Variants in GPR158 observed in about 807,000 individuals in gnomAD.
The protein encoded by GPR158 is G protein-coupled receptor 158.
A neutral mutation model predicts 78.2 loss-of-function variants in GPR158; 30 were observed. The observed-to-expected ratio is 0.38, with a 90% CI of 0.29 to 0.52. The LOEUF (loss-of-function observed/expected upper bound fraction) is 0.52, where lower values mean the gene tolerates loss of function less well. GPR158 is among the 20% of genes least tolerant of loss of function. The pLI is 0.83. For synonymous variants in GPR158, 581 were observed against 591.1 expected (o/e 0.98, Z 0.25); for missense variants, 1,463 against 1,523.5 (o/e 0.96, Z 0.66).
intron 2 of GPR158, among the ~76,000 whole-genome samples, chr10:25,293,969 A>G (rs1356744435): frequency 6.7e-6 from 1 of 150,374 alleles, no homozygotes; most frequent in Non-Finnish European, 1.5e-5. Context: ...CTGGTCTTGA[A>G]CTCCTGACCT....
intron 5 of GPR158, among the ~76,000 whole-genome samples, chr10:25,484,307 A>G (rs1442070919): frequency 2.6e-5 from 4 of 152,188 alleles, no homozygotes; most frequent in South Asian, 2.1e-4. Context: ...TCTTTGCTCA[A>G]ATGTCACTTC....
chr10:25,451,191 G>A (rs1310988537), intron 4 of GPR158, among the ~76,000 whole-genome samples: 1 of 152,118 alleles, frequency 6.6e-6, no homozygotes, highest in Non-Finnish European at 1.5e-5. Flanking sequence ...CCCCCTAAAT[G>A]TGAAGTTGCT....
At chr10:25,357,849 T>C (rs1025111900) in intron 2 of GPR158, among the ~76,000 whole-genome samples, 7 of 152,044 alleles carry the variant, frequency 4.6e-5, no homozygotes, top group Non-Finnish European at 1.0e-4. Context: ...ATAGTCCAGA[T>C]ACCAGAATGG....
At chr10:25,582,903 A>G (rs1837222211) in intron 7 of GPR158, among the ~76,000 whole-genome samples, 1 of 152,230 alleles carries the variant, frequency 6.6e-6, no homozygotes, top group African/African-American at 2.4e-5. Context: ...TAATTAATGT[A>G]TCAGCTGTTC....
chr10:25,237,666 A>G (rs1363302854), intron 2 of GPR158, among the ~76,000 whole-genome samples: 1 of 152,182 alleles, frequency 6.6e-6, no homozygotes. Context: ...TCTAGATTTG[A>G]AAGAATGAAC....
At chr10:25,286,852 T>C (rs989435209) in intron 2 of GPR158, among the ~76,000 whole-genome samples, 1 of 152,114 alleles carries the variant, frequency 6.6e-6, no homozygotes, top group Non-Finnish European at 1.5e-5. Context: ...TACCTTATGT[T>C]TAGGGTGATG....
intron 5 of GPR158, among the ~76,000 whole-genome samples, chr10:25,536,359 A>G (rs543716870): frequency 6.6e-6 from 1 of 152,218 alleles, no homozygotes; most frequent in South Asian, 2.1e-4. Context: ...AGTATTTCCA[A>G]GTGTGTGTAT....
At chr10:25,455,836 G>A (rs958270325) in intron 4 of GPR158, among the ~76,000 whole-genome samples, 1 of 152,108 alleles carries the variant, frequency 6.6e-6, no homozygotes, top group African/African-American at 2.4e-5. Context: ...AATGTAAACA[G>A]GATGTTAGCT....
intron 2 of GPR158, among the ~76,000 whole-genome samples, chr10:25,238,370 G>A (rs1035100704): frequency 1.3e-5 from 2 of 152,170 alleles, no homozygotes; most frequent in African/African-American, 4.8e-5. Context: ...AGTATTGGTT[G>A]CATATCTTTT....
At chr10:25,430,884 C>T (rs1429690524) in intron 4 of GPR158, among the ~76,000 whole-genome samples, 18 of 151,684 alleles carry the variant, frequency 1.2e-4, no homozygotes, top group Admixed American at 5.3e-4. Context: ...AAGACTTAAC[C>T]GTTAGACCTA....
intron 5 of GPR158, among the ~76,000 whole-genome samples, chr10:25,531,137 C>G (rs973470963): frequency 1.3e-5 from 2 of 151,996 alleles, no homozygotes; most frequent in Non-Finnish European, 2.9e-5. Flanking sequence ...TTTTTTGGAA[C>G]CTTTAAGATA....
intron 2 of GPR158, among the ~76,000 whole-genome samples, chr10:25,259,647 C>T (rs757079233): frequency 2.0e-5 from 3 of 152,098 alleles, no homozygotes; most frequent in East Asian, 1.9e-4. Context: ...AACTCCACTT[C>T]GAATTTGATT....
chr10:25,181,698 A>G (rs924974066), intron 1 of GPR158, among the ~76,000 whole-genome samples: 2 of 152,160 alleles, frequency 1.3e-5, no homozygotes, highest in African/African-American at 4.8e-5. Flanking sequence ...TATGCACATC[A>G]TTCAATATGT....
intron 1 of GPR158, among the ~76,000 whole-genome samples, chr10:25,198,111 C>T (rs1263503285): frequency 6.6e-6 from 1 of 152,210 alleles, no homozygotes; most frequent in African/African-American, 2.4e-5. Flanking sequence ...AAGAGATGTG[C>T]TGCATTTAAC....
chr10:25,561,949 A>AC (rs773637849), intron 6 of GPR158, among the ~76,000 whole-genome samples: 92 of 152,262 alleles, frequency 6.0e-4, no homozygotes, highest in Admixed American at 2.4e-3. Flanking sequence ...TGGGAGGAGA[A>AC]CAACCACCAG....
chr10:25,302,067 CTT>C (rs200536212), intron 2 of GPR158, among the ~76,000 whole-genome samples: 2,443 of 133,838 alleles, frequency 0.018, 17 homozygotes, highest in African/African-American at 0.031. Flanking sequence ...TAATTTGTTC[CTT>C]TTTTTTTTTT....
chr10:25,225,006 AT>A (rs1853354919), intron 2 of GPR158, among the ~76,000 whole-genome samples: 1 of 152,110 alleles, frequency 6.6e-6, no homozygotes, highest in Admixed American at 6.6e-5. Flanking sequence ...CACTGAAAAC[AT>A]TTTCAAATAT....
chr10:25,255,815 T>G (rs1853882317), intron 2 of GPR158, among the ~76,000 whole-genome samples: 2 of 152,202 alleles, frequency 1.3e-5, no homozygotes, highest in South Asian at 4.1e-4. Flanking sequence ...TCAACTGATT[T>G]GAGATTACAT....
intron 1 of GPR158, among the ~76,000 whole-genome samples, chr10:25,194,893 C>G (rs1330424933): frequency 6.6e-6 from 1 of 151,832 alleles, no homozygotes; most frequent in Admixed American, 6.6e-5. Context: ...GTTGACTATT[C>G]TAATATTTTT....
Sources: allele counts gnomAD v4.1 joint callset (sites outside exome capture counted in the v4.1 genomes callset), GRCh38; gene constraint gnomAD v4.1.1; transcripts MANE v1.5; gene names NCBI Gene and HGNC (gene_info 2026-07-23, HGNC 2026-07-21).